The following MALRD1 variants were observed in gnomAD, a reference collection of about 807,000 sequenced individuals.
MALRD1 encodes the protein MAM and LDL receptor class A domain containing 1.
MALRD1 carries 247 observed loss-of-function variants against 242.1 expected under a neutral mutation model. The ratio of observed to expected loss-of-function variants is 1.02; its 90% CI spans 0.92 to 1.13. MALRD1 has a LOEUF of 1.13. Ranked by LOEUF, MALRD1 falls within the 50% of genes most tolerant of loss-of-function variation. MALRD1 has a pLI of 0.00. For missense variants in MALRD1, 2,989 were observed against 2,533.1 expected (o/e 1.18, Z -3.86); for synonymous variants, 995 against 866.6 (o/e 1.15, Z -2.60).
intron 19 of MALRD1, among the ~76,000 whole-genome samples, chr10:19,261,968 A>C (rs1839768686): frequency 6.6e-6 from 1 of 152,104 alleles, no homozygotes; most frequent in Non-Finnish European, 1.5e-5. Flanking sequence ...TGTTGACTTG[A>C]ATGAAAAACA....
chr10:19,483,600 C>G (rs545413810), intron 29 of MALRD1, among the ~76,000 whole-genome samples: 4 of 152,256 alleles, frequency 2.6e-5, no homozygotes, highest in Middle Eastern at 6.8e-3. Context: ...GATACCATTT[C>G]ACATCAGTCA....
chr10:19,065,664 G>T (rs1834956901), intron 1 of MALRD1, among the ~76,000 whole-genome samples: 1 of 152,154 alleles, frequency 6.6e-6, no homozygotes, highest in African/African-American at 2.4e-5. Context: ...TTTTTAGAAT[G>T]TGACATTCAT....
chr10:19,351,011 TA>T (rs998818559), intron 25 of MALRD1, among the ~76,000 whole-genome samples: 3 of 150,834 alleles, frequency 2.0e-5, no homozygotes, highest in Non-Finnish European at 4.5e-5. Context: ...GAATAATAAT[TA>T]AAGATTTCAT....
At chr10:19,577,173 G>T (rs1005435778) in intron 33 of MALRD1, among the ~76,000 whole-genome samples, 1 of 151,926 alleles carries the variant, frequency 6.6e-6, no homozygotes, top group Non-Finnish European at 1.5e-5. Flanking sequence ...GATTCATAAG[G>T]CCTCGTTTTA....
chr10:19,259,167 C>T (rs1222463952), intron 19 of MALRD1, among the ~76,000 whole-genome samples: 1 of 152,128 alleles, frequency 6.6e-6, no homozygotes, highest in African/African-American at 2.4e-5. Context: ...GACTTTCTAT[C>T]TCATTCAGAG....
chr10:19,547,993 C>CTT (rs765509925), intron 32 of MALRD1, among the ~76,000 whole-genome samples: 3,609 of 65,748 alleles, frequency 0.055, 472 homozygotes, highest in African/African-American at 0.17. Flanking sequence ...TATCACTATA[C>CTT]TTTTTTTTTT....
chr10:19,313,658 A>G (rs1842521536), intron 21 of MALRD1, among the ~76,000 whole-genome samples: 1 of 151,612 alleles, frequency 6.6e-6, no homozygotes, highest in African/African-American at 2.4e-5. Context: ...TGTTTTATAA[A>G]GGTCTAATAC....
chr10:19,069,888 C>T (rs988477910), intron 2 of MALRD1, among the ~76,000 whole-genome samples: 2 of 151,852 alleles, frequency 1.3e-5, no homozygotes, highest in African/African-American at 2.4e-5. Context: ...CTGAAATGTA[C>T]GCCGTCTGCC....
At chr10:19,083,121 AAAGAT>A (rs1835547340) in intron 2 of MALRD1, among the ~76,000 whole-genome samples, 1 of 152,002 alleles carries the variant, frequency 6.6e-6, no homozygotes, top group Non-Finnish European at 1.5e-5. Context: ...TCTCATCTTC[AAAGAT>A]TATGTTTCCA....
intron 36 of MALRD1, among the ~76,000 whole-genome samples, chr10:19,623,966 C>A (rs1589322436): frequency 2.6e-5 from 4 of 152,050 alleles, no homozygotes; most frequent in Admixed American, 2.6e-4. Flanking sequence ...TTTAAAAAAG[C>A]AAATTAAAAC....
chr10:19,071,135 G>A (rs933465243), intron 2 of MALRD1, among the ~76,000 whole-genome samples: 1 of 151,980 alleles, frequency 6.6e-6, no homozygotes, highest in African/African-American at 2.4e-5. Flanking sequence ...ATAGGCGTGA[G>A]TCACCAGGTC....
At chr10:19,385,101 A>T (rs1467497786) in intron 26 of MALRD1, among the ~76,000 whole-genome samples, 3 of 151,934 alleles carry the variant, frequency 2.0e-5, no homozygotes. Context: ...CTTGCATGTC[A>T]GGTGTAATCT....
At chr10:19,498,364 G>A in intron 30 of MALRD1, 121 bp from the exon 31 acceptor site, 1 of 843,382 alleles carries the variant, frequency 1.2e-6, no homozygotes, top group Non-Finnish European at 1.8e-6. Flanking sequence ...TCTTGATGCT[G>A]TAAGTGTATT....
chr10:19,384,275 T>C (rs1377946324), intron 26 of MALRD1, among the ~76,000 whole-genome samples: 1 of 137,910 alleles, frequency 7.3e-6, no homozygotes, highest in African/African-American at 2.7e-5. Context: ...ATAATACATA[T>C]CTTATATATA....
At chr10:19,254,193 G>A (rs1253790134) in intron 18 of MALRD1, among the ~76,000 whole-genome samples, 3 of 151,930 alleles carry the variant, frequency 2.0e-5, no homozygotes, top group African/African-American at 7.2e-5. Context: ...TTCTAAAATG[G>A]CATAAAAGGA....
At chr10:19,439,781 G>A (rs7898537) in intron 28 of MALRD1, among the ~76,000 whole-genome samples, 119,177 of 151,452 alleles carry the variant, frequency 0.79, 47,525 homozygotes, top group African/African-American at 0.92. Context: ...TTTGTATTGT[G>A]TGTATTTTAT....
At chr10:19,571,999 A>C (rs11010441) in intron 33 of MALRD1, among the ~76,000 whole-genome samples, 50,507 of 151,960 alleles carry the variant, frequency 0.33, 9,041 homozygotes, top group Admixed American at 0.45. Context: ...TTTTACCACC[A>C]CCACAAACTC....
At chr10:19,443,109 G>A (rs1294528950) in intron 28 of MALRD1, among the ~76,000 whole-genome samples, 1 of 152,162 alleles carries the variant, frequency 6.6e-6, no homozygotes, top group African/African-American at 2.4e-5. Flanking sequence ...TTTGCATAGA[G>A]GTGTTTATAG....
At chr10:19,081,208 A>G (rs949679101) in intron 2 of MALRD1, among the ~76,000 whole-genome samples, 1 of 152,172 alleles carries the variant, frequency 6.6e-6, no homozygotes, top group Admixed American at 6.5e-5. Context: ...CAGTGTGGCA[A>G]TTCCTCAAAG....
Sources: gnomAD v4.1 joint callset for allele counts (sites outside exome capture counted in the v4.1 genomes callset) on GRCh38, gnomAD v4.1.1 for gene constraint, MANE v1.5 for transcripts, NCBI Gene and HGNC (gene_info 2026-07-23, HGNC 2026-07-21) for gene names.